The following MS4A4A variants were observed in gnomAD, a reference collection of about 807,000 sequenced individuals.
MS4A4A encodes the protein membrane spanning 4-domains A4A.
A neutral mutation model predicts 28.0 loss-of-function variants in MS4A4A; 26 were observed. The ratio of observed to expected loss-of-function variants is 0.93; its 90% CI spans 0.68 to 1.29. The LOEUF (loss-of-function observed/expected upper bound fraction) is 1.29. MS4A4A is among the 50% of genes most tolerant of loss of function. MS4A4A has a pLI of 0.00. For synonymous variants in MS4A4A, 86 were observed against 100.8 expected (o/e 0.85, Z 0.88); for missense variants, 290 against 293.1 (o/e 0.99, Z 0.08).
chr11:60,286,501 C>A (rs561449254), intron 1 of MS4A4A, among the ~76,000 whole-genome samples: 1 of 152,310 alleles, frequency 6.6e-6, no homozygotes, highest in Admixed American at 6.5e-5. Flanking sequence ...TCCATGAAAT[C>A]TTCACAATTT....
intron 5 of MS4A4A, 86 bp downstream of exon 5, chr11:60,302,803 C>A: frequency 7.9e-7 from 1 of 1,260,460 alleles, no homozygotes; most frequent in South Asian, 1.4e-5. Context: ...ATTAATATTC[C>A]CTAATTGATG....
intron 1 of MS4A4A, among the ~76,000 whole-genome samples, chr11:60,287,795 T>G (rs1480377749): frequency 1.3e-5 from 2 of 152,202 alleles, no homozygotes; most frequent in Non-Finnish European, 2.9e-5. Context: ...GTGAAACAGG[T>G]GCAGAATAGA....
rs553271949 is a variant in MS4A4A at position 60,289,796 on chromosome 11, T to A, written c.42-2429T>A. ...AGAATTCTTGGTGATTTCTTCAAAT[T>A]TTTCTTCCAGTTGACTAATTCTATT... On this transcript the variant is annotated intron_variant, in intron 1 of 6. Coordinates refer to ENST00000337908, the MANE Select transcript of MS4A4A (RefSeq NM_148975.3). Among the ~76,000 whole-genome samples, 7 of 152,312 alleles carry A rather than the reference T, an allele frequency of 4.6e-5. No individual in the cohort carries two copies. In the South Asian group the frequency reaches 1.5e-3, roughly 32 times the overall value.
intron 2 of MS4A4A, among the ~76,000 whole-genome samples, chr11:60,294,127 C>T (rs969393881): frequency 6.6e-6 from 1 of 152,192 alleles, no homozygotes; most frequent in Non-Finnish European, 1.5e-5. Flanking sequence ...ATTGGTAGTG[C>T]CAGTGTTCTG....
chr11:60,306,402 C>A (rs1396846523), intron 6 of MS4A4A, among the ~76,000 whole-genome samples: 1 of 152,164 alleles, frequency 6.6e-6, no homozygotes, highest in African/African-American at 2.4e-5. Context: ...GGGCTGTGGC[C>A]TTGCTTGGAG....
chr11:60,298,029 T>G (rs943627675), intron 3 of MS4A4A, among the ~76,000 whole-genome samples: 2 of 150,508 alleles, frequency 1.3e-5, no homozygotes, highest in Non-Finnish European at 3.0e-5. Context: ...ATAAAATAAC[T>G]AATTATTATA....
chr11:60,285,030 T>C (rs1011291484), intron 1 of MS4A4A, among the ~76,000 whole-genome samples: 1 of 152,112 alleles, frequency 6.6e-6, no homozygotes, highest in Non-Finnish European at 1.5e-5. Flanking sequence ...AATTTCTCTT[T>C]CAAAAAAGTA....
intron 1 of MS4A4A, among the ~76,000 whole-genome samples, 178 bp from the exon 2 acceptor site, chr11:60,292,047 C>T (rs1319510398): frequency 6.6e-6 from 1 of 152,146 alleles, no homozygotes; most frequent in Non-Finnish European, 1.5e-5. Flanking sequence ...CCACCTGCCC[C>T]CGCCCCACAC....
chr11:60,288,584 ATT>A (rs781066656), intron 1 of MS4A4A, among the ~76,000 whole-genome samples: 7 of 152,072 alleles, frequency 4.6e-5, no homozygotes, highest in Non-Finnish European at 8.8e-5. Context: ...TACAGTTGAA[ATT>A]TTGGTTCCAG....
chr11:60,283,636 C>G (rs1318275084), intron 1 of MS4A4A, among the ~76,000 whole-genome samples: 2 of 152,288 alleles, frequency 1.3e-5, no homozygotes, highest in Admixed American at 6.5e-5. Flanking sequence ...CCTCTTCTCC[C>G]TTCTGGGACA....
chr11:60,294,913 T>TCTTCTTCTTCTTCTTCTC, intron 2 of MS4A4A, among the ~76,000 whole-genome samples: 1 of 140,642 alleles, frequency 7.1e-6, no homozygotes, highest in East Asian at 2.0e-4. Flanking sequence ...TTCTTCTTCT[T>TCTTCTTCTTCTTCTTCTC]CTTCTTCTTC....
At chr11:60,296,262 G>C (rs2084904595) in intron 2 of MS4A4A, among the ~76,000 whole-genome samples, 1 of 151,952 alleles carries the variant, frequency 6.6e-6, no homozygotes, top group African/African-American at 2.4e-5. Flanking sequence ...GCGTAGAATT[G>C]TTCATAACAT....
chr11:60,308,068 T>G (rs1408373900), intron 6 of MS4A4A, 39 bp from the exon 7 acceptor site: 22 of 1,582,046 alleles, frequency 1.4e-5, no homozygotes, highest in Non-Finnish European at 1.9e-5. Context: ...TCTGAGGTGA[T>G]TTGGGTGACT....
chr11:60,293,733 AG>A, intron 2 of MS4A4A, among the ~76,000 whole-genome samples: 1 of 152,192 alleles, frequency 6.6e-6, no homozygotes, highest in South Asian at 2.1e-4. Context: ...TGTTTTTTTT[AG>A]ATTGCGTTCT....
intron 1 of MS4A4A, 26 bp downstream of exon 1, chr11:60,280,742 G>A: frequency 6.2e-7 from 1 of 1,612,852 alleles, no homozygotes; most frequent in Non-Finnish European, 8.5e-7. Flanking sequence ...TGCCTTCCTA[G>A]GCTTTCGGGC....
chr11:60,299,692 G>A (rs11230237), intron 3 of MS4A4A, among the ~76,000 whole-genome samples: 28,317 of 151,498 alleles, frequency 0.19, 3,112 homozygotes, highest in African/African-American at 0.3. Context: ...CGATCTCCTG[G>A]TCTCGTGATC....
intron 1 of MS4A4A, among the ~76,000 whole-genome samples, chr11:60,286,508 A>G (rs2084804982): frequency 1.3e-5 from 2 of 152,194 alleles, no homozygotes; most frequent in Admixed American, 6.5e-5. Context: ...AATCTTCACA[A>G]TTTATGTTCT....
In MS4A4A at chr11:60,289,595, A is replaced by ATGTGTGTG. The variant is rs34230139; in HGVS notation, c.42-2608_42-2601dup. 3.1e-5 allele frequency among the ~76,000 whole-genome samples: 4 copies of ATGTGTGTG among 128,060 alleles called. No individual in the cohort carries two copies. The East Asian group carries it at 9.5e-4, about 30-fold the overall frequency. 84.0% of individuals were successfully genotyped at this position (128,060 alleles called of 152,430 possible). A position where few individuals can be genotyped will look rare whatever the true frequency, so the allele number is the denominator to read the frequency against. The stretch of plus-strand genomic sequence containing the variant: ...GGGGAGTGTGTGTGTGTGTGTGTGT[A>ATGTGTGTG]TGTGTGTGTGTGTGTGTGTGTGTGT... On this transcript the variant is annotated intron_variant, in intron 1 of 6. Coordinates refer to ENST00000337908, the MANE Select transcript of MS4A4A (RefSeq NM_148975.3).
At chr11:60,285,381 G>A (rs1235281318) in intron 1 of MS4A4A, among the ~76,000 whole-genome samples, 1 of 152,166 alleles carries the variant, frequency 6.6e-6, no homozygotes, top group African/African-American at 2.4e-5. Context: ...GCACAGGCCT[G>A]TAATCCCAGC....
Sources: gnomAD v4.1 joint callset for allele counts (sites outside exome capture counted in the v4.1 genomes callset) on GRCh38, gnomAD v4.1.1 for gene constraint, MANE v1.5 for transcripts, NCBI Gene and HGNC (gene_info 2026-07-23, HGNC 2026-07-21) for gene names.